The following SGSM1 variants were observed in gnomAD, a reference collection of about 807,000 sequenced individuals.
SGSM1 encodes the protein RUN and TBC1 domain containing 2.
SGSM1 carries 73 observed loss-of-function variants against 133.8 expected under a neutral mutation model. The observed-to-expected ratio is 0.55, with a 90% CI of 0.45 to 0.66. The LOEUF is 0.66. Ranked by LOEUF, SGSM1 falls within the 30% of genes least tolerant of loss-of-function variation. The probability of loss-of-function intolerance (pLI) is 0.00; values close to 1 mark genes in which losing one functional copy is unlikely to be tolerated. For missense variants in SGSM1, 1,213 were observed against 1,448.1 expected (o/e 0.84, Z 2.64); for synonymous variants, 563 against 573.0 (o/e 0.98, Z 0.25).
intron 2 of SGSM1, among the ~76,000 whole-genome samples, chr22:24,823,429 G>T (rs1309798097): frequency 6.6e-6 from 1 of 151,640 alleles, no homozygotes; most frequent in Non-Finnish European, 1.5e-5. Context: ...GTGAAACCCT[G>T]TCTCTAATAA....
chr22:24,906,531 C>T (rs1243621109), intron 21 of SGSM1, among the ~76,000 whole-genome samples: 1 of 152,194 alleles, frequency 6.6e-6, no homozygotes, highest in African/African-American at 2.4e-5. Context: ...ATCAAGGTTG[C>T]AGGATATAAG....
chr22:24,857,969 G>A (rs140348643), intron 8 of SGSM1, among the ~76,000 whole-genome samples: 1 of 152,128 alleles, frequency 6.6e-6, no homozygotes, highest in East Asian at 1.9e-4. Context: ...CTCTCATCTC[G>A]GGGATGTTTT....
At chr22:24,908,607 C>T (rs1361194240) in intron 21 of SGSM1, among the ~76,000 whole-genome samples, 3 of 152,106 alleles carry the variant, frequency 2.0e-5, no homozygotes, top group African/African-American at 7.2e-5. Flanking sequence ...TCGAGACCAT[C>T]CTGGCTAACA....
intron 3 of SGSM1, among the ~76,000 whole-genome samples, chr22:24,845,941 T>TTTTCTTTCTTTCTTTTC (rs1555924221): frequency 2.4e-4 from 28 of 115,708 alleles, no homozygotes; most frequent in African/African-American, 9.2e-4. Context: ...TTTTCTTTTC[T>TTTTCTTTCTTTCTTTTC]TTTCTTTCTT....
At position 24,847,717 on chromosome 22, in the gene SGSM1, A is replaced by G. The variant is rs768692786; in HGVS notation, c.223A>G (p.Met75Val). The G allele has an allele frequency of 6.2e-7, 1 of 1,613,900 alleles. No homozygotes were observed. The highest frequency in any genetic ancestry group is 8.5e-7 in the Non-Finnish European group (1 of 1,179,880). ...LRSNKIAALF[M>V]KVGKNFPPAE... The stretch of plus-strand genomic sequence containing the variant: ...CAGCAATAAGATTGCAGCCCTCTTT[A>G]TGAAAGTGGGCAAGAACTTCCCGCC... The change falls in exon 4 of 25, where the codon ATG (methionine) becomes GTG (valine). Residue 75 changes from methionine to valine, a missense_variant. By Grantham distance (21) the Met-to-Val change is conservative (BLOSUM62 1). Coordinates refer to ENST00000400358, the MANE Select transcript of SGSM1 (RefSeq NM_001098497.3).
Position 24,859,777 on chromosome 22 carries a change from C to A in SGSM1, c.863C>A (p.Thr288Asn), listed in dbSNP as rs774828550. Residue 288 changes from threonine (T) to asparagine (N), a missense_variant, in exon 9 of 25, where the codon ACC (threonine) becomes AAC (asparagine). Thr to Asn is a moderately conservative substitution (Grantham distance 65, BLOSUM62 0). Transcript: ENST00000400358. The part of the protein sequence containing the change: ...LSLHQTADVM[T>N]LKWTPNQLMN... ...CTGCACCAGACGGCTGACGTCATGA[C>A]CTTGAAGTGGACACCCAACCAGCTG... The A allele has an allele frequency of 1.9e-6, 3 of 1,613,974 alleles. No homozygotes were observed. The highest frequency in any genetic ancestry group is 4.5e-5 in the East Asian group (2 of 44,874).
chr22:24,898,887 C>T (rs1476304515), intron 19 of SGSM1, among the ~76,000 whole-genome samples: 1 of 151,798 alleles, frequency 6.6e-6, no homozygotes, highest in Admixed American at 6.6e-5. Context: ...ATTAGCCGGG[C>T]GTGGTGGCAG....
chr22:24,887,187 A>T (rs1160573617), intron 16 of SGSM1, among the ~76,000 whole-genome samples: 3 of 115,976 alleles, frequency 2.6e-5, no homozygotes, highest in African/African-American at 9.9e-5. Flanking sequence ...CACCACGGCC[A>T]ACATACAGTA....
intron 2 of SGSM1, among the ~76,000 whole-genome samples, chr22:24,840,740 T>A (rs1345845028): frequency 6.6e-6 from 1 of 152,204 alleles, no homozygotes. Context: ...TTCTTTGAGA[T>A]CTTTCTTATT....
At chr22:24,919,460 A>G (rs1933932703) in intron 23 of SGSM1, among the ~76,000 whole-genome samples, 1 of 152,114 alleles carries the variant, frequency 6.6e-6, no homozygotes. Flanking sequence ...ATGGGTGCTA[A>G]TGGAGATGGA....
intron 20 of SGSM1, among the ~76,000 whole-genome samples, chr22:24,904,223 T>A (rs974861670): frequency 2.0e-5 from 3 of 152,108 alleles, no homozygotes; most frequent in Non-Finnish European, 4.4e-5. Context: ...ACATTCAGGC[T>A]GGGTGCAATG....
intron 2 of SGSM1, among the ~76,000 whole-genome samples, chr22:24,806,789 A>G (rs1927418774): frequency 6.6e-6 from 1 of 151,280 alleles, no homozygotes; most frequent in African/African-American, 2.4e-5. Context: ...CTTGTGGAGG[A>G]GCAGGTGGGC....
chr22:24,886,516 C>A, intron 15 of SGSM1, 84 bp from the exon 16 acceptor site: 1 of 1,492,810 alleles, frequency 6.7e-7, no homozygotes, highest in South Asian at 1.3e-5. Context: ...CCAATCTGGC[C>A]AACATGGTGA....
At chr22:24,821,391 C>A (rs1928461127) in intron 2 of SGSM1, among the ~76,000 whole-genome samples, 1 of 152,166 alleles carries the variant, frequency 6.6e-6, no homozygotes, top group Non-Finnish European at 1.5e-5. Context: ...CTAGGAATGG[C>A]AGAGGGAATG....
At chr22:24,836,705 T>C (rs956309335) in intron 2 of SGSM1, among the ~76,000 whole-genome samples, 6 of 152,240 alleles carry the variant, frequency 3.9e-5, no homozygotes, top group African/African-American at 1.4e-4. Context: ...TCTTTCCATG[T>C]GCTTGTTCGT....
intron 19 of SGSM1, among the ~76,000 whole-genome samples, chr22:24,900,351 C>CTT (rs1180255671): frequency 1.4e-5 from 1 of 69,546 alleles, no homozygotes; most frequent in African/African-American, 6.6e-5. Context: ...TTCTTTCTTT[C>CTT]TTTCTTTCTT....
chr22:24,885,006 A>G (rs1427955561), intron 15 of SGSM1, among the ~76,000 whole-genome samples: 2 of 151,854 alleles, frequency 1.3e-5, no homozygotes, highest in Admixed American at 1.3e-4. Context: ...CTGGAGTGCA[A>G]TGGCATGATC....
chr22:24,874,486 C>T (rs1434449212), intron 12 of SGSM1: 6 of 1,613,550 alleles, frequency 3.7e-6, no homozygotes, highest in South Asian at 2.2e-5. Flanking sequence ...TCCTGCAGGC[C>T]GGTCCATGCT....
At chr22:24,886,757 C>G (rs1378182923) in intron 16 of SGSM1, 29 bp downstream of exon 16, 1 of 1,562,852 alleles carries the variant, frequency 6.4e-7, no homozygotes, top group Non-Finnish European at 8.7e-7. Flanking sequence ...GCACTGGGAT[C>G]TTTGGCAACA....
Sources: gnomAD v4.1 joint callset for allele counts (sites outside exome capture counted in the v4.1 genomes callset) on GRCh38, gnomAD v4.1.1 for gene constraint, MANE v1.5 for transcripts, NCBI Gene and HGNC (gene_info 2026-07-23, HGNC 2026-07-21) for gene names.